Variants in NELL1 observed in about 807,000 individuals in gnomAD.
The protein encoded by NELL1 is protein kinase C-binding protein NELL1.
In NELL1, 76 loss-of-function variants were observed where a neutral mutation model predicts 107.4. The ratio of observed to expected loss-of-function variants is 0.71; its 90% CI spans 0.59 to 0.86. The LOEUF is 0.86. Ranked by LOEUF, NELL1 falls within the 40% of genes least tolerant of loss-of-function variation. The pLI is 0.00. For synonymous variants in NELL1, 353 were observed against 341.2 expected (o/e 1.03, Z -0.38); for missense variants, 1,024 against 1,005.5 (o/e 1.02, Z -0.25).
At chr11:21,491,581 T>G (rs550894971) in intron 15 of NELL1, among the ~76,000 whole-genome samples, 1 of 152,316 alleles carries the variant, frequency 6.6e-6, no homozygotes, top group Admixed American at 6.5e-5. Context: ...ACCAGTACCA[T>G]GCTGTTTGGG....
intron 14 of NELL1, chr11:21,283,920 C>T (rs1849052186): frequency 4.1e-6 from 1 of 241,528 alleles, no homozygotes; most frequent in Admixed American, 5.0e-5. Flanking sequence ...ACAATTCCTC[C>T]ATCAGCGAAG....
rs1439049893 is a variant in NELL1 at position 20,746,597 on chromosome 11, CACACACACACGT to C, written c.185-37082_185-37071del. Among the ~76,000 whole-genome samples, 1,078 of 135,852 alleles carry C rather than the reference CACACACACACGT, an allele frequency of 7.9e-3. 42 individuals carry two copies. The highest frequency in any genetic ancestry group is 0.058 in the Admixed American group (819 of 14,010). 89.1% of individuals were successfully genotyped at this position (135,852 alleles called of 152,430 possible). ...ACACACACACACACACACACACACA[CACACACACACGT>C]GGAATTGAACATTGCCCTTTTCTCA... On this transcript the variant is annotated intron_variant, in intron 2 of 19. Coordinates refer to ENST00000357134, the MANE Select transcript of NELL1 (RefSeq NM_006157.5).
intron 9 of NELL1, among the ~76,000 whole-genome samples, chr11:20,935,459 A>G (rs1850704506): frequency 6.6e-6 from 1 of 152,104 alleles, no homozygotes; most frequent in Admixed American, 6.5e-5. Context: ...GCTAGAACAT[A>G]TGTGGAGGTG....
chr11:20,824,290 A>G (rs1056293806), intron 3 of NELL1, among the ~76,000 whole-genome samples: 1 of 151,258 alleles, frequency 6.6e-6, no homozygotes, highest in African/African-American at 2.4e-5. Flanking sequence ...AATTAATTAA[A>G]CCTCTTCCCT....
At chr11:20,831,914 C>G (rs1858017969) in intron 3 of NELL1, among the ~76,000 whole-genome samples, 1 of 152,150 alleles carries the variant, frequency 6.6e-6, no homozygotes, top group Non-Finnish European at 1.5e-5. Context: ...TATATTAGCT[C>G]TAGGCAAATA....
chr11:21,438,097 G>A lies in NELL1; in HGVS notation c.1645+67149G>A, dbSNP rs143997690. ...TTATACTTTCTGTGTGATTTATGAC[G>A]GAAAATATCATCCTTTCAATTCCAG... On this transcript the variant is annotated intron_variant, in intron 15 of 19. Coordinates refer to ENST00000357134, the MANE Select transcript of NELL1 (RefSeq NM_006157.5). Among the ~76,000 whole-genome samples, 17 of 152,174 alleles carry A rather than the reference G, an allele frequency of 1.1e-4. No homozygotes were observed. In the East Asian group the frequency reaches 2.3e-3, roughly 21 times the overall value.
At chr11:21,432,985 T>C (rs1382108883) in intron 15 of NELL1, among the ~76,000 whole-genome samples, 2 of 152,142 alleles carry the variant, frequency 1.3e-5, no homozygotes, top group African/African-American at 4.8e-5. Flanking sequence ...AACTTTGCAT[T>C]CATTAACCAA....
chr11:21,571,001 T>C, intron 18 of NELL1, 61 bp downstream of exon 18: 1 of 1,513,860 alleles, frequency 6.6e-7, no homozygotes, highest in East Asian at 2.3e-5. Flanking sequence ...ACAAATTCAG[T>C]TGTCTGTGGG....
chr11:21,062,345 T>C (rs986189240), intron 12 of NELL1, among the ~76,000 whole-genome samples: 1 of 152,170 alleles, frequency 6.6e-6, no homozygotes, highest in Non-Finnish European at 1.5e-5. Context: ...ACATAGGTGG[T>C]TCAGATTTGA....
intron 3 of NELL1, among the ~76,000 whole-genome samples, chr11:20,797,187 AT>A (rs1223873782): frequency 6.6e-6 from 1 of 152,156 alleles, no homozygotes; most frequent in Non-Finnish European, 1.5e-5. Context: ...GCTTGGTGGC[AT>A]GATTAGGGTG....
chr11:21,057,362 A>G (rs765087636), intron 12 of NELL1, among the ~76,000 whole-genome samples: 2 of 151,712 alleles, frequency 1.3e-5, no homozygotes, highest in Non-Finnish European at 2.9e-5. Context: ...TGGGAAGTGG[A>G]TGGGAACTAC....
intron 2 of NELL1, among the ~76,000 whole-genome samples, chr11:20,719,280 C>A (rs750858674): frequency 3.3e-5 from 5 of 152,188 alleles, no homozygotes; most frequent in Non-Finnish European, 7.3e-5. Flanking sequence ...AGCCCAGGAT[C>A]CTGTGATGTG....
chr11:21,355,257 G>A (rs1052109495), intron 14 of NELL1, among the ~76,000 whole-genome samples: 5 of 152,186 alleles, frequency 3.3e-5, no homozygotes, highest in African/African-American at 7.2e-5. Context: ...ACCAGTTAGT[G>A]AGAGGCAGAC....
rs201033870 is a variant in NELL1, at chr11:21,030,622, ATTTT to A, written c.1300+70079_1300+70082del. 6.9e-3 allele frequency among the ~76,000 whole-genome samples: 833 copies of A among 120,122 alleles called. 11 individuals carry two copies. Among genetic ancestry groups the A allele is most frequent in the East Asian group, 0.044 (194 of 4,400 alleles). 78.8% of individuals were successfully genotyped at this position (120,122 alleles called of 152,430 possible). ...TTATTTTCTTATGTTATTTTCTTGT[ATTTT>A]TTTTTTTTTTTTTTTTACTTATTTA... On this transcript the variant is annotated intron_variant, in intron 12 of 19. Transcript: ENST00000357134.
At chr11:21,414,591 C>A (rs974012542) in intron 15 of NELL1, among the ~76,000 whole-genome samples, 1 of 145,558 alleles carries the variant, frequency 6.9e-6, no homozygotes, top group African/African-American at 2.5e-5. Context: ...CTAAACCATT[C>A]TCTTCTCTTA....
intron 5 of NELL1, among the ~76,000 whole-genome samples, chr11:20,915,717 A>T (rs58904077): frequency 0.013 from 776 of 58,258 alleles, 47 homozygotes; most frequent in African/African-American, 0.061. Context: ...ATATATATAT[A>T]TTTTTTTTTT....
At chr11:21,009,452 C>G (rs542364320) in intron 12 of NELL1, among the ~76,000 whole-genome samples, 1 of 152,062 alleles carries the variant, frequency 6.6e-6, no homozygotes, top group East Asian at 1.9e-4. Context: ...AAATTTGACC[C>G]TGTAAGTTCT....
intron 15 of NELL1, among the ~76,000 whole-genome samples, chr11:21,496,620 A>G (rs1474706642): frequency 6.6e-6 from 1 of 152,156 alleles, no homozygotes; most frequent in South Asian, 2.1e-4. Flanking sequence ...CGTGTTAGCC[A>G]GGATGATCTC....
chr11:20,974,525 A>C (rs1299570806), intron 12 of NELL1, among the ~76,000 whole-genome samples: 1 of 151,770 alleles, frequency 6.6e-6, no homozygotes, highest in African/African-American at 2.4e-5. Flanking sequence ...CATTTTCTCC[A>C]GTTCTAGACT....
Sources: gnomAD v4.1 joint callset for allele counts (sites outside exome capture counted in the v4.1 genomes callset) on GRCh38, gnomAD v4.1.1 for gene constraint, MANE v1.5 for transcripts, NCBI Gene and HGNC (gene_info 2026-07-23, HGNC 2026-07-21) for gene names.